ABCC11: variants seen among roughly 807,000 people sequenced by gnomAD.
The protein encoded by ABCC11 is ATP-binding cassette sub-family C member 11.
Under a neutral mutation model 149.3 loss-of-function variants are expected in ABCC11, and 135 were observed. The observed-to-expected ratio is 0.90, with a 90% CI of 0.79 to 1.04. The LOEUF (loss-of-function observed/expected upper bound fraction) is 1.04, where lower values mean the gene tolerates loss of function less well. Among genes scored for constraint, ABCC11 ranks in the 50% least tolerant of loss-of-function variants. The probability of loss-of-function intolerance (pLI) is 0.00; values close to 1 mark genes in which losing one functional copy is unlikely to be tolerated. For synonymous variants in ABCC11, 665 were observed against 671.4 expected (o/e 0.99, Z 0.15); for missense variants, 1,680 against 1,722.1 (o/e 0.98, Z 0.43).
chr16:48,184,169 T>A (rs1966613871), intron 23 of ABCC11, among the ~76,000 whole-genome samples: 1 of 152,256 alleles, frequency 6.6e-6, no homozygotes, highest in South Asian at 2.1e-4. Flanking sequence ...ATATGCACAC[T>A]GGACTCTGTC....
chr16:48,213,437 AC>A lies in ABCC11; in HGVS notation c.1356+5del. ...GGGGCCTACAGCCAGTCCCCTGATG[AC>A]CTACCTTGAACCTCATCACTGCAGA... On this transcript the variant is annotated splice_donor_5th_base_variant and intron_variant, in intron 10 of 29. Transcript: ENST00000356608. 1 of 1,609,706 alleles carries A rather than the reference AC, an allele frequency of 6.2e-7. No individual in the cohort carries two copies. The highest frequency in any genetic ancestry group is 8.5e-7 in the Non-Finnish European group (1 of 1,177,616).
Position 48,231,885 on chromosome 16 carries a change from A to G in ABCC11, c.37T>C (p.Ser13Pro). The change falls in exon 2 of 30, where the codon TCT becomes CCT. Residue 13 changes from serine (S) to proline (P), a missense_variant. Transcript: ENST00000356608. Reference protein sequence around the residue: ...RKRTYWVPNSSGGLVNRGIDI... With the variant: ...RKRTYWVPNSPGGLVNRGIDI... ...ATGCCACGATTCACGAGGCCACCAG[A>G]AGAGTTGGGCACCCAGTATGTCCTC... 1 of 1,614,188 alleles carries G rather than the reference A, an allele frequency of 6.2e-7. No homozygotes were observed.
At chr16:48,232,719 C>G (rs545371869) in intron 1 of ABCC11, among the ~76,000 whole-genome samples, 2 of 152,220 alleles carry the variant, frequency 1.3e-5, no homozygotes, top group Non-Finnish European at 2.9e-5. Context: ...CATGAGGGTG[C>G]AGCCTGTGCC....
chr16:48,201,514 A>G (rs1384488456), intron 14 of ABCC11, among the ~76,000 whole-genome samples: 1 of 118,726 alleles, frequency 8.4e-6, no homozygotes, highest in Non-Finnish European at 1.6e-5. Context: ...GTCTCACTAT[A>G]TTGCCTAGGC....
intron 6 of ABCC11, among the ~76,000 whole-genome samples, chr16:48,219,169 G>GTT (rs59995920): frequency 1.2e-3 from 165 of 134,520 alleles, no homozygotes; most frequent in Non-Finnish European, 1.6e-3. Flanking sequence ...TTGGTTTTGG[G>GTT]TTTTTTTTTT....
At chr16:48,218,347 C>T (rs866930374) in intron 6 of ABCC11, among the ~76,000 whole-genome samples, 2 of 152,096 alleles carry the variant, frequency 1.3e-5, no homozygotes, top group South Asian at 4.1e-4. Context: ...GGTCCTAGAG[C>T]TAAACTGTCA....
chr16:48,198,132 A>G lies in ABCC11; in HGVS notation c.2217+9T>C. On this transcript the variant is annotated intron_variant, in intron 16 of 29. Transcript: ENST00000356608. ...CCGTGGGTAGTGAGGGCAGTGGGGC[A>G]GGACTCACCGAAGTGGCTTCCTTGT... 1 of 1,614,222 alleles carries G rather than the reference A, an allele frequency of 6.2e-7. No homozygotes were observed. The highest frequency in any genetic ancestry group is 8.5e-7 in the Non-Finnish European group (1 of 1,180,038).
At chr16:48,223,680 G>A (rs1224562842) in intron 5 of ABCC11, 5 of 152,486 alleles carry the variant, frequency 3.3e-5, no homozygotes, top group African/African-American at 1.2e-4. Flanking sequence ...TGGCCAACCA[G>A]TGATCATGTG....
At chr16:48,225,930 C>T (rs1428897129) in intron 4 of ABCC11, among the ~76,000 whole-genome samples, 6 of 151,908 alleles carry the variant, frequency 3.9e-5, no homozygotes, top group South Asian at 2.1e-4. Context: ...TTGTAAGTAA[C>T]GAAATTAAAA....
At position 48,186,911 on chromosome 16, in the gene ABCC11, C is replaced by T. The variant is rs368123925; in HGVS notation, c.3071+42G>A. 8 of 1,611,090 alleles carry T rather than the reference C, an allele frequency of 5.0e-6. No individual in the cohort carries two copies. The African/African-American group carries it at 1.1e-4, about 22-fold the overall frequency. ...CATTCTTTCCCTGCTCCCCACCACC[C>T]CTGTGGTTCCATCATTCTCAAATGG... is the stretch of plus-strand genomic sequence containing the variant. On this transcript the variant is annotated intron_variant, in intron 22 of 29. Coordinates refer to ENST00000356608, the MANE Select transcript of ABCC11 (RefSeq NM_001370497.1).
intron 3 of ABCC11, among the ~76,000 whole-genome samples, chr16:48,228,359 C>T (rs149290583): frequency 6.6e-6 from 1 of 151,720 alleles, no homozygotes; most frequent in Non-Finnish European, 1.5e-5. Flanking sequence ...TTTGGGAGGC[C>T]GAGGAGGGTG....
chr16:48,200,725 G>T (rs1019275089), intron 14 of ABCC11, among the ~76,000 whole-genome samples: 1 of 152,212 alleles, frequency 6.6e-6, no homozygotes, highest in African/African-American at 2.4e-5. Flanking sequence ...AGGCTGGAAA[G>T]GATTTTTGGG....
At chr16:48,197,352 C>T (rs1487015121) in intron 17 of ABCC11, among the ~76,000 whole-genome samples, 3 of 152,100 alleles carry the variant, frequency 2.0e-5, no homozygotes. Context: ...GAGACAGGAG[C>T]CTACAATGTG....
intron 13 of ABCC11, among the ~76,000 whole-genome samples, chr16:48,204,455 C>T (rs1968260450): frequency 6.6e-6 from 1 of 152,156 alleles, no homozygotes; most frequent in Admixed American, 6.5e-5. Context: ...AGGAGACAGG[C>T]TTATTCACGA....
At chr16:48,175,176 C>G in intron 26 of ABCC11, 82 bp downstream of exon 26, 1 of 1,514,276 alleles carries the variant, frequency 6.6e-7, no homozygotes, top group African/African-American at 1.4e-5. Flanking sequence ...CATTGGTCAC[C>G]AGCTCACTAT....
chr16:48,208,412 A>G lies in ABCC11; in HGVS notation c.1680+13T>C. The G allele has an allele frequency of 6.2e-7, 1 of 1,614,062 alleles. No homozygotes were observed. The highest frequency in any genetic ancestry group is 8.5e-7 in the Non-Finnish European group (1 of 1,179,950). On this transcript the variant is annotated intron_variant, in intron 12 of 29. Transcript: ENST00000356608. Reference sequence around the variant, plus strand: ...CCTGCAGACAGGCAAGCATGTGGCCACAGATCACTTACCTCCTCCAGGATG... The same window carrying G: ...CCTGCAGACAGGCAAGCATGTGGCCGCAGATCACTTACCTCCTCCAGGATG...
chr16:48,203,826 C>T (rs964666654), intron 13 of ABCC11, among the ~76,000 whole-genome samples: 3 of 152,170 alleles, frequency 2.0e-5, no homozygotes, highest in Non-Finnish European at 2.9e-5. Flanking sequence ...GCCAAGATCA[C>T]GCCATTGTAC....
intron 13 of ABCC11, 71 bp downstream of exon 13, chr16:48,205,342 G>A (rs189477915): frequency 1.6e-4 from 260 of 1,592,676 alleles, no homozygotes; most frequent in African/African-American, 4.6e-4. Context: ...TCAGGTTACC[G>A]TTTGAAGCTG....
intron 20 of ABCC11, among the ~76,000 whole-genome samples, chr16:48,190,518 C>G (rs1966868766): frequency 5.3e-5 from 8 of 152,088 alleles, no homozygotes; most frequent in Admixed American, 5.2e-4. Flanking sequence ...CACAAGCCCC[C>G]ATGTCCGGCT....
Sources: allele counts gnomAD v4.1 joint callset (sites outside exome capture counted in the v4.1 genomes callset), GRCh38; gene constraint gnomAD v4.1.1; transcripts MANE v1.5; gene names NCBI Gene and HGNC (gene_info 2026-07-23, HGNC 2026-07-21).